Variants in CTTNBP2 observed in about 807,000 individuals in gnomAD.
CTTNBP2 encodes cortactin-binding protein 2.
CTTNBP2 carries 108 observed loss-of-function variants against 156.9 expected under a neutral mutation model. That is an observed-to-expected ratio of 0.69 (90% CI 0.59 to 0.81). The LOEUF (loss-of-function observed/expected upper bound fraction) is 0.81. CTTNBP2 is among the 30% of genes least tolerant of loss of function. The pLI is 0.00. For synonymous variants in CTTNBP2, 767 were observed against 751.8 expected, an observed-to-expected ratio of 1.02 and a Z score of -0.33; for missense variants, 1,924 against 2,035.4, an observed-to-expected ratio of 0.95 and a Z score of 1.05.
chr7:117,761,420 C>T (rs540050038), intron 9 of CTTNBP2, among the ~76,000 whole-genome samples: 2 of 152,328 alleles, frequency 1.3e-5, no homozygotes, highest in South Asian at 4.1e-4. Context: ...GTAGCACCCC[C>T]ATCTACTTCT....
rs1799116039 is a variant in CTTNBP2, at chr7:117,792,941, A to C, written c.415-160T>G. ...AAAGTGTTGTGATAAGAAATATTTT[A>C]AAGACACATTAAAATGAGAAAATAG... On this transcript the variant is annotated intron_variant, in intron 3 of 22. Transcript: ENST00000160373. This position sits in a 1 kb window ranked among gnomAD's most constrained non-coding sequence, Gnocchi z 4.2. Among the ~76,000 whole-genome samples, 1 of 152,236 alleles carries C rather than the reference A, an allele frequency of 6.6e-6. No homozygotes were observed. The highest frequency in any genetic ancestry group is 2.4e-5 in the African/African-American group (1 of 41,454).
chr7:117,860,950 C>T (rs1019453908), intron 2 of CTTNBP2, among the ~76,000 whole-genome samples: 19 of 152,104 alleles, frequency 1.2e-4, no homozygotes, highest in Admixed American at 1.2e-3. Context: ...GATTTCTGAA[C>T]GAGTACAGCT....
chr7:117,846,724 AC>A (rs1424742529), intron 2 of CTTNBP2, among the ~76,000 whole-genome samples: 1 of 152,184 alleles, frequency 6.6e-6, no homozygotes, highest in Non-Finnish European at 1.5e-5. Context: ...ATAATTACTA[AC>A]AAAAATGTTA....
intron 1 of CTTNBP2, chr7:117,871,913 T>TG (rs1804634326): frequency 1.0e-6 from 1 of 978,660 alleles, no homozygotes; most frequent in Non-Finnish European, 1.2e-6. Flanking sequence ...TTCCCACCTT[T>TG]TGGGGATGAA....
chr7:117,772,212 A>G (rs1423285413), intron 8 of CTTNBP2, among the ~76,000 whole-genome samples: 2 of 152,206 alleles, frequency 1.3e-5, no homozygotes, highest in Non-Finnish European at 2.9e-5. Context: ...ACCGAACATG[A>G]TGAGACCACA....
At chr7:117,747,358 G>A (rs184182512) in intron 12 of CTTNBP2, among the ~76,000 whole-genome samples, 22 of 152,304 alleles carry the variant, frequency 1.4e-4, no homozygotes, top group Middle Eastern at 3.4e-3. Context: ...TGTGAAGATA[G>A]TAAAAATGCC....
chr7:117,738,484 G>A (rs1341496513), intron 14 of CTTNBP2, among the ~76,000 whole-genome samples: 13 of 152,176 alleles, frequency 8.5e-5, no homozygotes, highest in Admixed American at 5.2e-4. Flanking sequence ...GGAAAGAGAT[G>A]ATGGGAGCCT....
At chr7:117,747,166 G>C (rs1417115868) in intron 12 of CTTNBP2, among the ~76,000 whole-genome samples, 1 of 152,216 alleles carries the variant, frequency 6.6e-6, no homozygotes, top group Admixed American at 6.5e-5. Flanking sequence ...TATTGCTCAA[G>C]TGAAGATTGA....
intron 2 of CTTNBP2, among the ~76,000 whole-genome samples, chr7:117,841,883 A>G (rs1802297236): frequency 6.6e-6 from 1 of 152,212 alleles, no homozygotes; most frequent in East Asian, 1.9e-4. Flanking sequence ...AACCAGAGGA[A>G]GTTGCCATCA....
At chr7:117,809,686 C>T (rs1189985760) in intron 3 of CTTNBP2, among the ~76,000 whole-genome samples, 1 of 152,088 alleles carries the variant, frequency 6.6e-6, no homozygotes, top group East Asian at 1.9e-4. Flanking sequence ...GCAGCACCTA[C>T]ACCAGAACAC....
intron 3 of CTTNBP2, among the ~76,000 whole-genome samples, chr7:117,801,651 T>C (rs1237037594): frequency 1.3e-5 from 2 of 152,214 alleles, no homozygotes; most frequent in East Asian, 1.9e-4. Flanking sequence ...TTAGTAAATA[T>C]ACATCAAAAT....
intron 9 of CTTNBP2, 53 bp downstream of exon 9, chr7:117,767,006 A>G: frequency 1.0e-6 from 1 of 972,180 alleles, no homozygotes; most frequent in Non-Finnish European, 1.7e-6. Flanking sequence ...ATTGTACCAG[A>G]GGCCCCAGCA....
At chr7:117,722,039 C>T (rs912410500) in intron 19 of CTTNBP2, among the ~76,000 whole-genome samples, 2 of 152,170 alleles carry the variant, frequency 1.3e-5, no homozygotes, top group African/African-American at 4.8e-5. Context: ...AAATCACTGT[C>T]GAGTTTCTTT....
chr7:117,846,392 G>A (rs1283135458), intron 2 of CTTNBP2, among the ~76,000 whole-genome samples: 1 of 152,040 alleles, frequency 6.6e-6, no homozygotes, highest in African/African-American at 2.4e-5. Context: ...AGGTTTATGG[G>A]TAAATCTTAA....
intron 2 of CTTNBP2, among the ~76,000 whole-genome samples, chr7:117,831,791 C>G (rs1801627006): frequency 1.3e-5 from 2 of 151,992 alleles, no homozygotes; most frequent in African/African-American, 2.4e-5. Context: ...ATCTTGCTTT[C>G]TTCTTCATGC....
At chr7:117,823,779 C>T (rs905944373) in intron 2 of CTTNBP2, among the ~76,000 whole-genome samples, 2 of 152,182 alleles carry the variant, frequency 1.3e-5, no homozygotes, top group Admixed American at 1.3e-4. Flanking sequence ...CAGCCTTGAC[C>T]TCCTGGGTTC....
chr7:117,855,892 A>T (rs920985274), intron 2 of CTTNBP2, among the ~76,000 whole-genome samples: 6 of 152,248 alleles, frequency 3.9e-5, no homozygotes, highest in African/African-American at 1.4e-4. Context: ...CAATTTTGGC[A>T]TAATACATCT....
In CTTNBP2 at chr7:117,711,500, A is replaced by G. The variant is rs764318440; in HGVS notation, c.*37T>C. ...TTGTTGTCCTTGGTTTCTGTGTGAAATAGAGGAAGTTAATAATGAGAATAT... is the reference window on the plus strand; with the variant it reads ...TTGTTGTCCTTGGTTTCTGTGTGAAGTAGAGGAAGTTAATAATGAGAATAT... On this transcript the variant is annotated 3_prime_UTR_variant, in exon 23 of 23. Transcript: ENST00000160373. The G allele has an allele frequency of 1.3e-6, 2 of 1,581,418 alleles. No homozygotes were observed. The highest frequency in any genetic ancestry group is 2.4e-5 in the South Asian group (2 of 84,510).
chr7:117,847,466 C>T (rs1052533388), intron 2 of CTTNBP2, among the ~76,000 whole-genome samples: 4 of 152,122 alleles, frequency 2.6e-5, no homozygotes, highest in African/African-American at 7.2e-5. Context: ...AATCAGGAGG[C>T]AGATGTTGCA....
Sources: gnomAD v4.1 joint callset for allele counts (sites outside exome capture counted in the v4.1 genomes callset) on GRCh38, gnomAD v4.1.1 for gene constraint, Gnocchi (gnomAD v3.1) non-coding constraint, MANE v1.5 for transcripts, NCBI Gene and HGNC (gene_info 2026-07-23, HGNC 2026-07-21) for gene names.